Variants in ATXN8OS observed in about 807,000 individuals in gnomAD.
The protein encoded by ATXN8OS is ATXN8 opposite strand (non-protein coding).
At chr13:70,153,490 G>A (rs886153679) in intron 4 of ATXN8OS, among the ~76,000 whole-genome samples, 1 of 152,078 alleles carries the variant, frequency 6.6e-6, no homozygotes, top group Admixed American at 6.5e-5. Context: ...CAGGAGAATC[G>A]CATGAACCCG....
chr13:70,161,262 G>GTA (rs1457005717), intron 4 of ATXN8OS, among the ~76,000 whole-genome samples: 2 of 151,882 alleles, frequency 1.3e-5, no homozygotes, highest in African/African-American at 4.8e-5. Context: ...ATACTAAAGA[G>GTA]TAAACCACCA....
intron 3 of ATXN8OS, among the ~76,000 whole-genome samples, chr13:70,146,535 C>G (rs559106563): frequency 1.3e-5 from 2 of 152,216 alleles, no homozygotes; most frequent in Non-Finnish European, 2.9e-5. Flanking sequence ...CAACGATAGA[C>G]TGGATTAAGA....
At chr13:70,161,662 A>T (rs573391173) in intron 4 of ATXN8OS, among the ~76,000 whole-genome samples, 2 of 150,942 alleles carry the variant, frequency 1.3e-5, no homozygotes, top group East Asian at 3.9e-4. Context: ...GTATTCTTGC[A>T]TGAGAACTTA....
At position 70,163,113 on chromosome 13, in the gene ATXN8OS, C is replaced by T. The variant is rs1889029944; in HGVS notation, n.574-6640C>T. Reference sequence around the variant, plus strand: ...CTAGTGCTATCAATAATTATAATAACAATAATAGTAATTATGACAAATCCT... The same window carrying T: ...CTAGTGCTATCAATAATTATAATAATAATAATAGTAATTATGACAAATCCT... On this transcript the variant is annotated intron_variant and non_coding_transcript_variant, in intron 4 of 4. Transcript: ENST00000678624. 1.3e-5 allele frequency among the ~76,000 whole-genome samples: 2 copies of T among 151,936 alleles called. 1 individual carries two copies. Among genetic ancestry groups the T allele is most frequent in the Non-Finnish European group, 2.9e-5 (2 of 67,970 alleles).
chr13:70,144,559 G>T (rs1412911988), intron 3 of ATXN8OS, among the ~76,000 whole-genome samples: 2 of 151,966 alleles, frequency 1.3e-5, no homozygotes, highest in Admixed American at 1.3e-4. Context: ...ACTTCTTTTT[G>T]TTGAGTTTTA....
At chr13:70,148,871 A>G (rs1408683863) in intron 4 of ATXN8OS, among the ~76,000 whole-genome samples, 2 of 152,144 alleles carry the variant, frequency 1.3e-5, no homozygotes, top group African/African-American at 2.4e-5. Flanking sequence ...TGATTTTGGT[A>G]AAGATTACAG....
At chr13:70,134,812 A>G (rs1045020436) in intron 3 of ATXN8OS, among the ~76,000 whole-genome samples, 3 of 152,164 alleles carry the variant, frequency 2.0e-5, no homozygotes, top group South Asian at 2.1e-4. Context: ...TCTGTCCCCT[A>G]TGAAGTCTGA....
In ATXN8OS at chr13:70,126,526, A is replaced by G. The variant is rs144818335; in HGVS notation, n.399-3258A>G. 6.8e-3 allele frequency among the ~76,000 whole-genome samples: 1,036 copies of G among 152,136 alleles called. 6 individuals carry two copies. Among genetic ancestry groups the G allele is most frequent in the Non-Finnish European group, 0.011 (773 of 67,944 alleles). On this transcript the variant is annotated intron_variant and non_coding_transcript_variant, in intron 2 of 4. Coordinates refer to ENST00000678624, the Ensembl canonical transcript of ATXN8OS. ...ATATAGACATATGAGTAAACCATAT[A>G]TCTCTCTATACCTATCTATCTGTGT...
intron 4 of ATXN8OS, among the ~76,000 whole-genome samples, chr13:70,149,997 T>C (rs1190126151): frequency 1.3e-5 from 2 of 152,152 alleles, no homozygotes; most frequent in Non-Finnish European, 2.9e-5. Context: ...AGACAGACTT[T>C]CTTACCTTCT....
chr13:70,147,020 A>G (rs999902418), intron 3 of ATXN8OS, among the ~76,000 whole-genome samples: 2 of 152,210 alleles, frequency 1.3e-5, no homozygotes, highest in Admixed American at 6.6e-5. Flanking sequence ...TATAAAATTA[A>G]GTATGTGTTT....
rs1325637125 is a variant in ATXN8OS, at chr13:70,127,755, A to T, written n.399-2029A>T. Among the ~76,000 whole-genome samples the T allele has an allele frequency of 2.0e-5, 3 of 148,062 alleles. No individual in the cohort carries two copies. In the Admixed American group the frequency reaches 2.0e-4, roughly 10 times the overall value. On this transcript the variant is annotated intron_variant and non_coding_transcript_variant, in intron 2 of 4. Coordinates refer to ENST00000678624, the Ensembl canonical transcript of ATXN8OS. ...CAAACATCAAATCATTAATCATGTT[A>T]TTAAAAAGCAATACTGTCTAATAAA... is the stretch of plus-strand genomic sequence containing the variant.
chr13:70,136,552 C>T (rs1888617944), intron 3 of ATXN8OS, among the ~76,000 whole-genome samples: 1 of 151,940 alleles, frequency 6.6e-6, no homozygotes, highest in Admixed American at 6.6e-5. Flanking sequence ...ATCTTACAGT[C>T]TTTCCAGTTC....
chr13:70,119,487 G>A (rs1018435661), intron 2 of ATXN8OS, among the ~76,000 whole-genome samples: 4 of 152,108 alleles, frequency 2.6e-5, no homozygotes, highest in African/African-American at 9.7e-5. Flanking sequence ...AATCTTTAGA[G>A]TAAAGCTGTT....
chr13:70,152,094 A>G (rs1179101197), intron 4 of ATXN8OS, among the ~76,000 whole-genome samples: 1 of 151,988 alleles, frequency 6.6e-6, no homozygotes, highest in East Asian at 1.9e-4. Context: ...GCACTGCTCC[A>G]TTCATAATAA....
intron 3 of ATXN8OS, among the ~76,000 whole-genome samples, chr13:70,143,651 A>C (rs1179668893): frequency 2.6e-5 from 4 of 152,062 alleles, no homozygotes; most frequent in Non-Finnish European, 5.9e-5. Context: ...TGGGTACCTC[A>C]CCTCTGTTTT....
chr13:70,135,441 C>G (rs76814691), intron 3 of ATXN8OS, among the ~76,000 whole-genome samples: 7 of 151,752 alleles, frequency 4.6e-5, no homozygotes, highest in African/African-American at 1.7e-4. Flanking sequence ...TTAATTTTAT[C>G]TTCTCACTCT....
chr13:70,111,936 A>G (rs1330228457), intron 1 of ATXN8OS, among the ~76,000 whole-genome samples: 2 of 152,130 alleles, frequency 1.3e-5, no homozygotes, highest in Admixed American at 1.3e-4. Flanking sequence ...TTATTAGTCA[A>G]TTTTTGCACT....
Position 70,116,243 on chromosome 13 carries a change from A to G in ATXN8OS, n.398+945A>G, listed in dbSNP as rs80077555. Among the ~76,000 whole-genome samples the G allele has an allele frequency of 6.4e-3, 967 of 152,170 alleles. 5 individuals are homozygous for G. Among genetic ancestry groups the G allele is most frequent in the Middle Eastern group, 0.021 (6 of 292 alleles). On this transcript the variant is annotated intron_variant and non_coding_transcript_variant, in intron 2 of 4. Transcript: ENST00000678624. ...AGAGATAGAAACTAAAATTCAACAA[A>G]TAGTAAGTGTATCAGATAATGGAGA...
chr13:70,108,724 T>C (rs188461461), intron 1 of ATXN8OS, among the ~76,000 whole-genome samples: 47 of 152,356 alleles, frequency 3.1e-4, no homozygotes, highest in African/African-American at 1.1e-3. Flanking sequence ...ATCATGGCAG[T>C]GTAAACTTAA....
Sources: allele counts gnomAD v4.1 joint callset (sites outside exome capture counted in the v4.1 genomes callset), GRCh38; gene constraint gnomAD v4.1.1; transcripts MANE v1.5; gene names NCBI Gene and HGNC (gene_info 2026-07-23, HGNC 2026-07-21).